Variants in ARHGAP31 observed in about 807,000 individuals in gnomAD.
ARHGAP31 encodes Rho GTPase activating protein 31, also known as rho GTPase-activating protein 31.
In ARHGAP31, 34 loss-of-function variants were observed where a neutral mutation model predicts 113.9. That is an observed-to-expected ratio of 0.30 (90% CI 0.23 to 0.40). The LOEUF (loss-of-function observed/expected upper bound fraction) is 0.40, where lower values mean the gene tolerates loss of function less well. Among genes scored for constraint, ARHGAP31 ranks in the 10% least tolerant of loss-of-function variants. The pLI is 1.00. For missense variants in ARHGAP31, 1,548 were observed against 1,767.1 expected (o/e 0.88, Z 2.22); for synonymous variants, 650 against 684.8 (o/e 0.95, Z 0.79).
chr3:119,396,016 T>C (rs2107637794), intron 8 of ARHGAP31, among the ~76,000 whole-genome samples: 1 of 152,246 alleles, frequency 6.6e-6, no homozygotes, highest in Middle Eastern at 3.4e-3. Flanking sequence ...AAAGAGAGAA[T>C]TTCAGTTGCA....
At chr3:119,393,343 G>A (rs889194901) in intron 7 of ARHGAP31, 124 bp from the exon 8 acceptor site, 1 of 1,298,400 alleles carries the variant, frequency 7.7e-7, no homozygotes, top group Non-Finnish European at 1.1e-6. Context: ...TTTTAGAGGG[G>A]AATTTCTTGA....
intron 1 of ARHGAP31, among the ~76,000 whole-genome samples, chr3:119,334,729 T>A (rs899629075): frequency 6.6e-6 from 1 of 152,260 alleles, no homozygotes; most frequent in South Asian, 2.1e-4. Context: ...AGGCTGACTC[T>A]GCACCAAGCA....
At chr3:119,407,801 T>A (rs2080677407) in intron 10 of ARHGAP31, among the ~76,000 whole-genome samples, 1 of 152,010 alleles carries the variant, frequency 6.6e-6, no homozygotes. Context: ...ACTGGTAGAG[T>A]AGCAGACATG....
rs746530408 is a variant in ARHGAP31 at position 119,399,278 on chromosome 3, A to G, written c.1069+17A>G. 6 of 1,603,124 alleles carry G rather than the reference A, an allele frequency of 3.7e-6. No homozygotes were observed. In the South Asian group the frequency reaches 6.6e-5, roughly 18 times the overall value. On this transcript the variant is annotated intron_variant, in intron 9 of 11. Transcript: ENST00000264245. Reference sequence around the variant, plus strand: ...CTGTGGAAGGTAAGATTTTACAAGTAGTTTCTGAGTTGGAGATTACAACTA... The same window carrying G: ...CTGTGGAAGGTAAGATTTTACAAGTGGTTTCTGAGTTGGAGATTACAACTA...
Position 119,409,750 on chromosome 3 carries a change from G to C in ARHGAP31, c.1900G>C (p.Ala634Pro), listed in dbSNP as rs778223896. The C allele has an allele frequency of 9.3e-6, 15 of 1,606,270 alleles. No individual in the cohort carries two copies. The highest frequency in any genetic ancestry group is 1.3e-5 in the Non-Finnish European group (15 of 1,176,988). ...CCTGCAGGAGAGCCCCAGGGCCAGA[G>C]CCGAAGCTGTGCTTCTCCATGAGAT... ...STLQESPRAR[A>P]EAVLLHEMDE... The change falls in exon 11 of 12, where the codon GCC (alanine) becomes CCC (proline). Residue 634 changes from alanine (A) to proline (P), a missense_variant. Physicochemically the swap from Ala to Pro is conservative, Grantham distance 27. Transcript: ENST00000264245.
At chr3:119,349,883 C>G (rs2080096210) in intron 1 of ARHGAP31, among the ~76,000 whole-genome samples, 1 of 152,154 alleles carries the variant, frequency 6.6e-6, no homozygotes, top group Non-Finnish European at 1.5e-5. Flanking sequence ...GCAGGCTTCC[C>G]TGCTTCCATT....
intron 8 of ARHGAP31, among the ~76,000 whole-genome samples, chr3:119,394,697 G>A (rs916602424): frequency 6.6e-6 from 1 of 152,134 alleles, no homozygotes; most frequent in East Asian, 1.9e-4. Context: ...GTTCGTGCCT[G>A]TAATCCCAAC....
At chr3:119,410,587 A>T (rs551552246) in intron 11 of ARHGAP31, among the ~76,000 whole-genome samples, 2 of 152,330 alleles carry the variant, frequency 1.3e-5, no homozygotes, top group East Asian at 3.9e-4. Context: ...TTGAAGGGGA[A>T]AGATGAAGAG....
intron 1 of ARHGAP31, among the ~76,000 whole-genome samples, chr3:119,318,256 C>T (rs988772256): frequency 3.9e-5 from 6 of 152,072 alleles, no homozygotes; most frequent in East Asian, 1.9e-4. Flanking sequence ...GGTGAAAGAT[C>T]GAGACCCTGT....
chr3:119,414,312 A>G lies in ARHGAP31; in HGVS notation c.2383A>G (p.Thr795Ala), dbSNP rs2080750684. The change falls in exon 12 of 12, where the codon ACT becomes GCT. Residue 795 changes from threonine to alanine, a missense_variant. Transcript: ENST00000264245. ...CCCTCCAACTCCTCTGGAGGAGTCA[A>G]CTCCAGTCCTGCTTTCAAAGGGCGG... ...PPPPTPLEES[T>A]PVLLSKGGPE... 2 of 1,613,974 alleles carry G rather than the reference A, an allele frequency of 1.2e-6. No homozygotes were observed. The highest frequency in any genetic ancestry group is 2.2e-5 in the East Asian group (1 of 44,880).
At chr3:119,315,934 C>T (rs1325177572) in intron 1 of ARHGAP31, among the ~76,000 whole-genome samples, 1 of 152,160 alleles carries the variant, frequency 6.6e-6, no homozygotes, top group African/African-American at 2.4e-5. Context: ...CAAATCGTCT[C>T]ATTGTTCTTC....
chr3:119,391,584 T>G, intron 7 of ARHGAP31, among the ~76,000 whole-genome samples: 1 of 126,384 alleles, frequency 7.9e-6, no homozygotes. Context: ...GCCACCTGGG[T>G]CTCTACCCCC....
chr3:119,377,456 A>C (rs1474959508), intron 3 of ARHGAP31, among the ~76,000 whole-genome samples: 1 of 152,238 alleles, frequency 6.6e-6, no homozygotes, highest in Non-Finnish European at 1.5e-5. Flanking sequence ...CCGGGAAAAC[A>C]GGGTGCCAAG....
At chr3:119,349,592 A>G (rs2080092818) in intron 1 of ARHGAP31, among the ~76,000 whole-genome samples, 1 of 152,178 alleles carries the variant, frequency 6.6e-6, no homozygotes. Context: ...GCTATAGACA[A>G]ACAATTAGAT....
At chr3:119,361,354 C>T (rs1226739783) in intron 1 of ARHGAP31, among the ~76,000 whole-genome samples, 1 of 150,154 alleles carries the variant, frequency 6.7e-6, no homozygotes, top group African/African-American at 2.5e-5. Context: ...CTGGTCTAGA[C>T]TAGTGGTTCT....
At chr3:119,351,871 A>G (rs2080113645) in intron 1 of ARHGAP31, among the ~76,000 whole-genome samples, 2 of 152,224 alleles carry the variant, frequency 1.3e-5, no homozygotes, top group Admixed American at 1.3e-4. Flanking sequence ...CTGCTCATCC[A>G]GTAAATAAAA....
chr3:119,393,853 A>G (rs2080525339), intron 8 of ARHGAP31, among the ~76,000 whole-genome samples: 2 of 152,234 alleles, frequency 1.3e-5, no homozygotes, highest in Admixed American at 1.3e-4. Flanking sequence ...AAAAATTAAT[A>G]TTGATACAAT....
intron 10 of ARHGAP31, among the ~76,000 whole-genome samples, chr3:119,403,226 T>G (rs557993674): frequency 1.4e-4 from 21 of 152,234 alleles, no homozygotes; most frequent in African/African-American, 5.1e-4. Context: ...TATTAGGTTG[T>G]CAGGCACTCT....
At chr3:119,385,408 A>C (rs1299791995) in intron 6 of ARHGAP31, among the ~76,000 whole-genome samples, 1 of 152,158 alleles carries the variant, frequency 6.6e-6, no homozygotes, top group Non-Finnish European at 1.5e-5. Flanking sequence ...TGCTGTGAAC[A>C]TTCACATACA....
Sources: gnomAD v4.1 joint callset for allele counts (sites outside exome capture counted in the v4.1 genomes callset) on GRCh38, gnomAD v4.1.1 for gene constraint, MANE v1.5 for transcripts, NCBI Gene and HGNC (gene_info 2026-07-23, HGNC 2026-07-21) for gene names.